The following CACNA2D3 variants were observed in gnomAD, a reference collection of about 807,000 sequenced individuals.
The protein encoded by CACNA2D3 is voltage-dependent calcium channel subunit alpha-2/delta-3.
Under a neutral mutation model 160.6 loss-of-function variants are expected in CACNA2D3, and 60 were observed. The observed-to-expected ratio is 0.37, with a 90% CI of 0.30 to 0.46. The LOEUF (loss-of-function observed/expected upper bound fraction) is 0.46, where lower values mean the gene tolerates loss of function less well. Ranked by LOEUF, CACNA2D3 falls within the 20% of genes least tolerant of loss-of-function variation. CACNA2D3 has a pLI of 1.00. For synonymous variants in CACNA2D3, 558 were observed against 492.9 expected (o/e 1.13, Z -1.75); for missense variants, 1,205 against 1,365.0 (o/e 0.88, Z 1.85).
At chr3:54,928,206 C>G (rs1178400252) in intron 27 of CACNA2D3, 2 of 435,134 alleles carry the variant, frequency 4.6e-6, no homozygotes, top group African/African-American at 4.0e-5. Flanking sequence ...CCTGCCTTTC[C>G]CATTCAGACG....
chr3:54,993,853 TC>T lies in CACNA2D3; in HGVS notation c.2690+6101del, dbSNP rs1385350350. Among the ~76,000 whole-genome samples the T allele has an allele frequency of 2.5e-3, 362 of 147,036 alleles. 2 individuals are homozygous for T. The highest frequency in any genetic ancestry group is 8.8e-3 in the African/African-American group (347 of 39,626). Reference sequence around the variant, plus strand: ...ATTGTCTTATCTGTCTCTCTCTCTCTCTTTTTTTTTTTTTTTTTGGTTGCAA... The same window carrying T: ...ATTGTCTTATCTGTCTCTCTCTCTCTTTTTTTTTTTTTTTTTTGGTTGCAA... On this transcript the variant is annotated intron_variant, in intron 31 of 37. Transcript: ENST00000474759.
At chr3:55,033,452 A>T (rs1363878277) in intron 35 of CACNA2D3, among the ~76,000 whole-genome samples, 1 of 151,594 alleles carries the variant, frequency 6.6e-6, no homozygotes, top group African/African-American at 2.4e-5. Context: ...GCTTATGCAC[A>T]TACAGGCGCT....
At chr3:54,871,722 G>C (rs1559611687) in intron 18 of CACNA2D3, 100 bp downstream of exon 18, 1 of 827,666 alleles carries the variant, frequency 1.2e-6, no homozygotes. Context: ...GCCCACTGAA[G>C]GGACACCTGG....
chr3:54,904,869 TA>T (rs1327561955), intron 27 of CACNA2D3, among the ~76,000 whole-genome samples: 1 of 152,174 alleles, frequency 6.6e-6, no homozygotes, highest in African/African-American at 2.4e-5. Flanking sequence ...ACTATAGTAA[TA>T]TGATATTGAT....
At chr3:54,256,707 A>C (rs1210661580) in intron 2 of CACNA2D3, among the ~76,000 whole-genome samples, 1 of 151,900 alleles carries the variant, frequency 6.6e-6, no homozygotes, top group Non-Finnish European at 1.5e-5. Context: ...CATCGAAATA[A>C]AGCATGTTCT....
intron 11 of CACNA2D3, among the ~76,000 whole-genome samples, chr3:54,654,396 A>T (rs1699837199): frequency 6.6e-6 from 1 of 152,194 alleles, no homozygotes; most frequent in African/African-American, 2.4e-5. Flanking sequence ...TTGGACAGGA[A>T]TCAGGGACAG....
At chr3:54,293,758 C>G (rs1022838107) in intron 2 of CACNA2D3, among the ~76,000 whole-genome samples, 1 of 152,086 alleles carries the variant, frequency 6.6e-6, no homozygotes, top group African/African-American at 2.4e-5. Flanking sequence ...TCTGTTAGGA[C>G]AGAGAATAGA....
chr3:54,363,612 C>G (rs1344945011), intron 3 of CACNA2D3, among the ~76,000 whole-genome samples: 1 of 152,148 alleles, frequency 6.6e-6, no homozygotes, highest in African/African-American at 2.4e-5. Context: ...ATTCAGAAAC[C>G]CCCAATGAGC....
chr3:54,367,640 C>A, intron 3 of CACNA2D3: 2 of 311,038 alleles, frequency 6.4e-6, no homozygotes, highest in South Asian at 2.5e-5. Context: ...TGGCCACAAG[C>A]TCTGCCCATT....
In CACNA2D3 at chr3:54,573,966, C is replaced by T. The variant is rs139753231; in HGVS notation, c.888+3862C>T. Among the ~76,000 whole-genome samples, 808 of 152,242 alleles carry T rather than the reference C, an allele frequency of 5.3e-3. 2 individuals carry two copies. The highest frequency in any genetic ancestry group is 0.017 in the Middle Eastern group (5 of 294). Reference sequence around the variant, plus strand: ...GTCTGTTTAAAATGGTCACTTGTCTCCTGTGTAGAGGGCGACCCAACTGCA... The same window carrying T: ...GTCTGTTTAAAATGGTCACTTGTCTTCTGTGTAGAGGGCGACCCAACTGCA... On this transcript the variant is annotated intron_variant, in intron 8 of 37. Coordinates refer to ENST00000474759, the MANE Select transcript of CACNA2D3 (RefSeq NM_018398.3).
At chr3:54,807,757 T>C (rs1287931847) in intron 13 of CACNA2D3, among the ~76,000 whole-genome samples, 1 of 151,990 alleles carries the variant, frequency 6.6e-6, no homozygotes, top group Non-Finnish European at 1.5e-5. Flanking sequence ...CATGCACACA[T>C]ATGTTTATTG....
chr3:54,661,965 A>T (rs778160648), intron 11 of CACNA2D3, among the ~76,000 whole-genome samples: 5 of 151,876 alleles, frequency 3.3e-5, no homozygotes, highest in Non-Finnish European at 7.4e-5. Context: ...ACAGGCTTTC[A>T]TAGTACCTGC....
intron 34 of CACNA2D3, among the ~76,000 whole-genome samples, chr3:55,010,341 G>A (rs552655994): frequency 1.3e-5 from 2 of 152,170 alleles, no homozygotes; most frequent in African/African-American, 2.4e-5. Context: ...GAGACATGCA[G>A]TTGACCCGTA....
chr3:54,459,885 G>C (rs888407494), intron 4 of CACNA2D3, among the ~76,000 whole-genome samples: 58 of 152,080 alleles, frequency 3.8e-4, no homozygotes, highest in African/African-American at 9.9e-4. Context: ...AGGTTTTCTT[G>C]TAGGGTTTTT....
At chr3:54,775,120 C>T (rs1281560941) in intron 13 of CACNA2D3, among the ~76,000 whole-genome samples, 11 of 152,232 alleles carry the variant, frequency 7.2e-5, no homozygotes, top group Admixed American at 2.6e-4. Context: ...TGAGTCACAG[C>T]CAAACGTTGA....
At chr3:54,470,064 T>A (rs1700702497) in intron 4 of CACNA2D3, among the ~76,000 whole-genome samples, 1 of 152,024 alleles carries the variant, frequency 6.6e-6, no homozygotes, top group African/African-American at 2.4e-5. Context: ...ACATTCAAAT[T>A]TAGGAAATAC....
At chr3:54,280,060 GTTTGTTTGTTTA>G (rs756432654) in intron 2 of CACNA2D3, among the ~76,000 whole-genome samples, 29 of 148,756 alleles carry the variant, frequency 1.9e-4, no homozygotes, top group Non-Finnish European at 3.9e-4. Flanking sequence ...TTGTTTGTTT[GTTTGTTTGTTTA>G]TTTATTTATT....
chr3:54,340,933 T>G (rs191990816), intron 3 of CACNA2D3, among the ~76,000 whole-genome samples: 96 of 152,308 alleles, frequency 6.3e-4, no homozygotes, highest in Non-Finnish European at 1.1e-3. Context: ...GTCTCGTCAC[T>G]GACCTGATCT....
At chr3:54,286,263 C>T (rs557553702) in intron 2 of CACNA2D3, among the ~76,000 whole-genome samples, 221 of 152,212 alleles carry the variant, frequency 1.5e-3, no homozygotes, top group African/African-American at 3.8e-3. Flanking sequence ...AGCCAAGGCT[C>T]GAGAACTACG....
Sources: gnomAD v4.1 joint callset for allele counts (sites outside exome capture counted in the v4.1 genomes callset) on GRCh38, gnomAD v4.1.1 for gene constraint, MANE v1.5 for transcripts, NCBI Gene and HGNC (gene_info 2026-07-23, HGNC 2026-07-21) for gene names.